The following ATP6V1H variants were observed in gnomAD, a reference collection of about 807,000 sequenced individuals.
The protein encoded by ATP6V1H is ATPase H+ transporting V1 subunit H, also known as V-type proton ATPase subunit H.
ATP6V1H carries 39 observed loss-of-function variants against 71.7 expected under a neutral mutation model. The ratio of observed to expected loss-of-function variants is 0.54; its 90% CI spans 0.42 to 0.71. ATP6V1H has a LOEUF of 0.71. Among genes scored for constraint, ATP6V1H ranks in the 30% least tolerant of loss-of-function variants. ATP6V1H has a pLI of 0.00. For synonymous variants in ATP6V1H, 192 were observed against 199.3 expected, an observed-to-expected ratio of 0.96 and a Z score of 0.31; for missense variants, 509 against 594.9, an observed-to-expected ratio of 0.86 and a Z score of 1.50.
In ATP6V1H at chr8:53,715,861, AG is replaced by A; in HGVS notation, c.*102del. ...AGCATTGGGAAAAGCTATATAACAG[AG>A]GAAATTCCAAGTAAAATCAAACAGT... is the stretch of plus-strand genomic sequence containing the variant. On this transcript the variant is annotated 3_prime_UTR_variant, in exon 14 of 14. Coordinates refer to ENST00000359530, the MANE Select transcript of ATP6V1H (RefSeq NM_015941.4). The A allele has an allele frequency of 1.0e-6, 1 of 955,604 alleles. No homozygotes were observed. Among genetic ancestry groups the A allele is most frequent in the Non-Finnish European group, 1.6e-6 (1 of 643,692 alleles). 59.2% of individuals were successfully genotyped at this position (955,604 alleles called of 1,614,324 possible). A position where few individuals can be genotyped will look rare whatever the true frequency, so the allele number is the denominator to read the frequency against.
intron 3 of ATP6V1H, among the ~76,000 whole-genome samples, chr8:53,830,866 A>C (rs1425475747): frequency 2.6e-5 from 4 of 152,234 alleles, no homozygotes; most frequent in Admixed American, 1.3e-4. Context: ...GTGCTGAAAA[A>C]ACAGTGAATC....
intron 12 of ATP6V1H, among the ~76,000 whole-genome samples, chr8:53,744,798 C>T (rs1395983025): frequency 6.6e-6 from 1 of 152,002 alleles, no homozygotes; most frequent in Admixed American, 6.6e-5. Context: ...AGGCACTGTA[C>T]TTTAAAACAT....
chr8:53,825,343 A>AC (rs1810791865), intron 4 of ATP6V1H, among the ~76,000 whole-genome samples: 1 of 148,696 alleles, frequency 6.7e-6, no homozygotes, highest in African/African-American at 2.5e-5. Context: ...CCTTGTTTTG[A>AC]TTTTTTTTTT....
rs1437824884 is a variant in ATP6V1H, at chr8:53,737,231, AGTGCACTGAAATTGT to A, written c.1391+6331_1391+6345del. Among the ~76,000 whole-genome samples, 531 of 152,310 alleles carry A rather than the reference AGTGCACTGAAATTGT, an allele frequency of 3.5e-3. 10 individuals are homozygous for A. The highest frequency in any genetic ancestry group is 0.032 in the Admixed American group (492 of 15,308). On this transcript the variant is annotated intron_variant, in intron 13 of 13. Transcript: ENST00000359530. ...TGTCTGCGGCTCGTCCTGCTATGAC[AGTGCACTGAAATTGT>A]GTGCTACGCCTTTATTTTCTACTTT... is the stretch of plus-strand genomic sequence containing the variant.
At chr8:53,836,737 G>A (rs1585842052) in intron 2 of ATP6V1H, among the ~76,000 whole-genome samples, 1 of 152,154 alleles carries the variant, frequency 6.6e-6, no homozygotes, top group African/African-American at 2.4e-5. Context: ...TAGCACTTAC[G>A]CAGAGGCATT....
At chr8:53,755,691 T>C (rs1265068341) in intron 12 of ATP6V1H, among the ~76,000 whole-genome samples, 2 of 834 alleles carry the variant, frequency 2.4e-3, no homozygotes, top group Non-Finnish European at 5.5e-3. Flanking sequence ...CGTACATATA[T>C]ATATATATAT....
chr8:53,743,776 TAA>T (rs1807500270), intron 12 of ATP6V1H, 86 bp from the exon 13 acceptor site: 1 of 826,014 alleles, frequency 1.2e-6, no homozygotes, highest in Non-Finnish European at 1.9e-6. Context: ...ACCAACACGC[TAA>T]AAAGGAAAGT....
rs758195088 is a variant in ATP6V1H, at chr8:53,772,074, C to T, written c.964G>A (p.Glu322Lys). The T allele has an allele frequency of 1.2e-6, 2 of 1,614,040 alleles. No homozygotes were observed. The highest frequency in any genetic ancestry group is 1.7e-6 in the Non-Finnish European group (2 of 1,179,934). Residue 322 changes from glutamate (E) to lysine (K), a missense_variant, in exon 10 of 14, where the codon GAA (glutamate) becomes AAA (lysine). Glu to Lys is a moderately conservative substitution (Grantham distance 56, BLOSUM62 1). Coordinates refer to ENST00000359530, the MANE Select transcript of ATP6V1H (RefSeq NM_015941.4). ...CKVLKQLENL[E>K]QQKYDDEDIS... ...TCTTCATCATCGTACTTCTGCTGTT[C>T]CAAGTTCTCCAACTGTTTCAGAACT...
chr8:53,834,840 G>C (rs1563317065), intron 2 of ATP6V1H, among the ~76,000 whole-genome samples: 1 of 151,644 alleles, frequency 6.6e-6, no homozygotes, highest in Non-Finnish European at 1.5e-5. Flanking sequence ...TGTAAAGCAG[G>C]TTCCCACTAT....
intron 12 of ATP6V1H, among the ~76,000 whole-genome samples, chr8:53,745,566 T>C (rs970824884): frequency 1.8e-4 from 27 of 152,096 alleles, no homozygotes; most frequent in African/African-American, 5.8e-4. Flanking sequence ...AACAGCACCA[T>C]AGCTCCTGGC....
chr8:53,780,174 A>G (rs1809056283), intron 9 of ATP6V1H, among the ~76,000 whole-genome samples: 1 of 151,984 alleles, frequency 6.6e-6, no homozygotes, highest in Admixed American at 6.6e-5. Context: ...AAAAAAAAAA[A>G]AAGACATTAT....
intron 2 of ATP6V1H, among the ~76,000 whole-genome samples, chr8:53,836,423 G>A (rs1365536602): frequency 3.9e-5 from 6 of 152,030 alleles, no homozygotes; most frequent in Admixed American, 3.3e-4. Context: ...TTCTTTCCTT[G>A]TTTAAGTTAT....
intron 12 of ATP6V1H, among the ~76,000 whole-genome samples, chr8:53,748,733 A>C (rs1418928605): frequency 6.6e-6 from 1 of 152,242 alleles, no homozygotes; most frequent in African/African-American, 2.4e-5. Context: ...TTTATCTCAT[A>C]CTTTGTAGTA....
rs146066231 is a variant in ATP6V1H at position 53,826,050 on chromosome 8, C to T, written c.306+3394G>A. Among the ~76,000 whole-genome samples, 341 of 152,140 alleles carry T rather than the reference C, an allele frequency of 2.2e-3. 1 individual carries two copies. The highest frequency in any genetic ancestry group is 7.8e-3 in the African/African-American group (324 of 41,492). On this transcript the variant is annotated intron_variant, in intron 4 of 13. Coordinates refer to ENST00000359530, the MANE Select transcript of ATP6V1H (RefSeq NM_015941.4). ...AAGAACTCCTTAAAATGGGCAAAGA[C>T]ATGAGCAAATAATTCAGGGAAAAAA...
chr8:53,769,810 T>C, intron 10 of ATP6V1H, 67 bp from the exon 11 acceptor site: 3 of 1,359,430 alleles, frequency 2.2e-6, no homozygotes, highest in Non-Finnish European at 3.0e-6. Context: ...TTAAGCAAAA[T>C]AAAATGTCTT....
chr8:53,732,152 CACTT>C (rs1422470651), intron 13 of ATP6V1H, among the ~76,000 whole-genome samples: 2 of 152,174 alleles, frequency 1.3e-5, no homozygotes, highest in Non-Finnish European at 2.9e-5. Flanking sequence ...CCTTTATCGA[CACTT>C]GCTTTGGTTT....
intron 8 of ATP6V1H, among the ~76,000 whole-genome samples, chr8:53,798,182 T>C (rs6988812): frequency 0.11 from 16,913 of 152,182 alleles, 1,364 homozygotes; most frequent in East Asian, 0.37. Context: ...TTAACAACAA[T>C]AAAAAAGTCA....
intron 11 of ATP6V1H, among the ~76,000 whole-genome samples, chr8:53,766,844 T>C (rs1233309375): frequency 1.3e-5 from 2 of 152,214 alleles, no homozygotes; most frequent in Non-Finnish European, 2.9e-5. Flanking sequence ...TCAATGACAA[T>C]GGTGCCTGAA....
chr8:53,752,379 T>C (rs78568368), intron 12 of ATP6V1H, among the ~76,000 whole-genome samples: 4,517 of 152,282 alleles, frequency 0.03, 98 homozygotes, highest in South Asian at 0.058. Context: ...GAGTGTCTGA[T>C]GAAGTGCTGA....
Sources: allele counts gnomAD v4.1 joint callset (sites outside exome capture counted in the v4.1 genomes callset), GRCh38; gene constraint gnomAD v4.1.1; transcripts MANE v1.5; gene names NCBI Gene and HGNC (gene_info 2026-07-23, HGNC 2026-07-21).